Variants in TOP3A observed in about 807,000 individuals in gnomAD.
The protein encoded by TOP3A is DNA topoisomerase 3-alpha.
In TOP3A, 64 loss-of-function variants were observed where a neutral mutation model predicts 111.3. The ratio of observed to expected loss-of-function variants is 0.57; its 90% CI spans 0.47 to 0.71. The LOEUF (loss-of-function observed/expected upper bound fraction) is 0.71. Ranked by LOEUF, TOP3A falls within the 30% of genes least tolerant of loss-of-function variation. The pLI, the probability that TOP3A is intolerant of heterozygous loss-of-function variation, is 0.00. For synonymous variants in TOP3A, 484 were observed against 485.1 expected (o/e 1.00, Z 0.03); for missense variants, 1,104 against 1,285.0 (o/e 0.86, Z 2.15).
chr17:18,305,326 G>T, intron 4 of TOP3A, 106 bp from the exon 5 acceptor site: 1 of 905,740 alleles, frequency 1.1e-6, no homozygotes, highest in Non-Finnish European at 1.7e-6. Flanking sequence ...TGCTCTTGGA[G>T]TGTGACAACT....
intron 17 of TOP3A, among the ~76,000 whole-genome samples, chr17:18,279,382 G>C (rs571473845): frequency 6.6e-6 from 1 of 151,812 alleles, no homozygotes; most frequent in South Asian, 2.1e-4. Flanking sequence ...TCAGCCTGCC[G>C]AGTAGCTGGG....
At chr17:18,302,067 T>C in intron 7 of TOP3A, 82 bp from the exon 8 acceptor site, 4 of 1,463,604 alleles carry the variant, frequency 2.7e-6, no homozygotes, top group Non-Finnish European at 3.8e-6. Flanking sequence ...TTTATTGTGG[T>C]GAAAGTCAAA....
Position 18,308,205 on chromosome 17 carries a change from C to CTGAAACTT in TOP3A, c.314+138_314+145dup, listed in dbSNP as rs1208649140. The CTGAAACTT allele has an allele frequency of 6.4e-6, 3 of 470,896 alleles. No homozygotes were observed. The African/African-American group carries it at 7.4e-5, about 12-fold the overall frequency. The allele number at this position is 470,896 out of a possible 1,614,324, so 29.2% of individuals were successfully genotyped here. A position where few individuals can be genotyped will look rare whatever the true frequency, so the allele number is the denominator to read the frequency against. On this transcript the variant is annotated intron_variant, in intron 3 of 18. Coordinates refer to ENST00000321105, the MANE Select transcript of TOP3A (RefSeq NM_004618.5). ...CCAGCCTGGGAGACAGAGTCTCACT[C>CTGAAACTT]TGAAACTTTGTCTCCAACAAAAAAA...
chr17:18,298,527 C>T (rs1298706327), intron 9 of TOP3A, among the ~76,000 whole-genome samples: 1 of 150,582 alleles, frequency 6.6e-6, no homozygotes, highest in African/African-American at 2.5e-5. Context: ...TCCCCTCTGC[C>T]CGGCCACCAC....
rs1444648063 is a variant in TOP3A, at chr17:18,314,861, C to T, written c.-83G>A. On this transcript the variant is annotated 5_prime_UTR_variant, in exon 1 of 19. Transcript: ENST00000321105. ...GAGATGAGGCTCAAATGGCGCCCACCGAAAGGGAACCAGAGCCTCGCTTCG... is the reference window on the plus strand; with the variant it reads ...GAGATGAGGCTCAAATGGCGCCCACTGAAAGGGAACCAGAGCCTCGCTTCG... 6.8e-6 allele frequency: 7 copies of T among 1,028,320 alleles called. No homozygotes were observed. The African/African-American group carries it at 8.5e-5, about 12-fold the overall frequency. 63.7% of individuals were successfully genotyped at this position (1,028,320 alleles called of 1,614,324 possible).
At chr17:18,278,956 G>A (rs1979578813) in intron 17 of TOP3A, among the ~76,000 whole-genome samples, 1 of 152,112 alleles carries the variant, frequency 6.6e-6, no homozygotes, top group Non-Finnish European at 1.5e-5. Context: ...CCAGCCTGGT[G>A]ACAGAGCAAG....
rs879741813 is a variant in TOP3A, at chr17:18,282,829, G to A, written c.1890C>T (p.Ala630=). The A allele has an allele frequency of 6.2e-7, 1 of 1,614,110 alleles. No individual in the cohort carries two copies. The highest frequency in any genetic ancestry group is 8.5e-7 in the Non-Finnish European group (1 of 1,179,998). Residue 630 remains alanine, a synonymous_variant, in exon 16 of 19, where the codon GCC becomes GCT. Coordinates refer to ENST00000321105, the MANE Select transcript of TOP3A (RefSeq NM_004618.5). ...TCCCATTCCCAAAGTACTGGGCCAA[G>A]GCCTCGTCCAATCTGAAGAAAAGGC... ...AVAKAKKLDE[A]LAQYFGNGTE...
chr17:18,274,790 C>T lies in TOP3A; in HGVS notation c.*12G>A. The T allele has an allele frequency of 6.2e-7, 1 of 1,610,612 alleles. No homozygotes were observed. The highest frequency in any genetic ancestry group is 2.2e-5 in the East Asian group (1 of 44,792). ...GGTCTGAGAAAGTGGCGTTCTCTAC[C>T]CTACCCTGAGCTCATCTGTTCTGAG... On this transcript the variant is annotated 3_prime_UTR_variant, in exon 19 of 19. Coordinates refer to ENST00000321105, the MANE Select transcript of TOP3A (RefSeq NM_004618.5).
At chr17:18,297,297 T>C (rs905093993) in intron 9 of TOP3A, among the ~76,000 whole-genome samples, 1 of 152,098 alleles carries the variant, frequency 6.6e-6, no homozygotes, top group Non-Finnish European at 1.5e-5. Flanking sequence ...TGGTGGTGCA[T>C]GCCTATAATC....
At chr17:18,281,188 A>G (rs1180641768) in intron 16 of TOP3A, among the ~76,000 whole-genome samples, 2 of 152,218 alleles carry the variant, frequency 1.3e-5, no homozygotes, top group South Asian at 2.1e-4. Flanking sequence ...CCTTGCAGTC[A>G]TGAAACGTTA....
intron 13 of TOP3A, among the ~76,000 whole-genome samples, chr17:18,286,199 A>AAAAAAAAAAAG (rs1358907324): frequency 7.3e-6 from 1 of 137,352 alleles, no homozygotes; most frequent in South Asian, 2.3e-4. Flanking sequence ...GACTCTCTTT[A>AAAAAAAAAAAG]AAAAAAAAAA....
chr17:18,305,486 ACGCG>A lies in TOP3A; in HGVS notation c.391-270_391-267del, dbSNP rs34041678. Among the ~76,000 whole-genome samples, 387 of 149,512 alleles carry A rather than the reference ACGCG, an allele frequency of 2.6e-3. 3 individuals carry two copies. Among genetic ancestry groups the A allele is most frequent in the African/African-American group, 9.0e-3 (364 of 40,468 alleles). ...TGAAATTCAGCTCTAACACACACAC[ACGCG>A]CGCGCGCGCGCGCGCACGCACACTT... On this transcript the variant is annotated intron_variant, in intron 4 of 18. Transcript: ENST00000321105.
rs1979841530 is a variant in TOP3A, at chr17:18,282,764, G to C, written c.1955C>G (p.Pro652Arg). ...AQQEDIYPAM[P>R]EPIRKCPQCN... ...CTGTGGGCACTTCCTGATGGGCTCT[G>C]GCATGGCTGGGTAGATATCTTCTTG... Residue 652 changes from proline to arginine, a missense_variant, in exon 16 of 19, where the codon CCA (proline) becomes CGA (arginine). Pro to Arg is a moderately radical substitution (Grantham distance 103, BLOSUM62 -2). Transcript: ENST00000321105. 1 of 1,614,186 alleles carries C rather than the reference G, an allele frequency of 6.2e-7. No homozygotes were observed. The highest frequency in any genetic ancestry group is 1.3e-5 in the African/African-American group (1 of 75,052).
At chr17:18,287,332 G>A (rs923015502) in intron 13 of TOP3A, among the ~76,000 whole-genome samples, 15 of 151,934 alleles carry the variant, frequency 9.9e-5, no homozygotes, top group Non-Finnish European at 1.3e-4. Flanking sequence ...TCAGGAATTC[G>A]AGACCAGCTT....
In TOP3A at chr17:18,292,730, C is replaced by T. The variant is rs140080915; in HGVS notation, c.1196G>A (p.Arg399Gln). 3.1e-5 allele frequency: 50 copies of T among 1,612,058 alleles called. No homozygotes were observed. Among genetic ancestry groups the T allele is most frequent in the Admixed American group, 1.8e-4 (11 of 59,792 alleles). ...CCCATTGCGTGGGGTGGGACCACCC[C>T]GCTCTAGAATGCTCTGGGCAAAGGC... ...WGAFAQSILE[R>Q]GGPTPRNGNK... The change falls in exon 11 of 19, where the codon CGG becomes CAG. Residue 399 changes from arginine (R) to glutamine (Q), a missense_variant. By Grantham distance (43) the Arg-to-Gln change is conservative. Coordinates refer to ENST00000321105, the MANE Select transcript of TOP3A (RefSeq NM_004618.5).
intron 3 of TOP3A, 183 bp downstream of exon 3, chr17:18,308,168 C>T (rs1981695140): frequency 2.5e-6 from 1 of 402,532 alleles, no homozygotes; most frequent in African/African-American, 2.3e-5. Flanking sequence ...GCCGAGATCA[C>T]ACCACTGCAC....
At chr17:18,301,316 C>G (rs1003105481) in intron 8 of TOP3A, among the ~76,000 whole-genome samples, 5 of 152,220 alleles carry the variant, frequency 3.3e-5, no homozygotes, top group African/African-American at 4.8e-5. Flanking sequence ...GCCAGTCTTG[C>G]TCCCTTCTAT....
chr17:18,286,646 T>C (rs1217856187), intron 13 of TOP3A, among the ~76,000 whole-genome samples: 1 of 152,182 alleles, frequency 6.6e-6, no homozygotes, highest in East Asian at 1.9e-4. Flanking sequence ...AGTGCCTTGC[T>C]GGTGGAAATG....
Position 18,274,885 on chromosome 17 carries a change from C to T in TOP3A, c.2923G>A (p.Gly975Arg), listed in dbSNP as rs141889615. 3 of 1,614,060 alleles carry T rather than the reference C, an allele frequency of 1.9e-6. No homozygotes were observed. The African/African-American group carries it at 4.0e-5, about 22-fold the overall frequency. Reference protein sequence around the residue: ...KRPRASSSDMGSTAKKPRKCS... With the variant: ...KRPRASSSDMRSTAKKPRKCS... ...TTCCGGGGTTTCTTTGCTGTGGACC[C>T]CATGTCTGAGGAACTGGCCCGGGGC... The change falls in exon 19 of 19, where the codon GGG becomes AGG. Residue 975 changes from glycine (G) to arginine (R), a missense_variant. Coordinates refer to ENST00000321105, the MANE Select transcript of TOP3A (RefSeq NM_004618.5).
Sources: gnomAD v4.1 joint callset for allele counts (sites outside exome capture counted in the v4.1 genomes callset) on GRCh38, gnomAD v4.1.1 for gene constraint, MANE v1.5 for transcripts, NCBI Gene and HGNC (gene_info 2026-07-23, HGNC 2026-07-21) for gene names.